TRAPPC9: variants seen among roughly 807,000 people sequenced by gnomAD.
The protein encoded by TRAPPC9 is trafficking protein particle complex subunit 9.
Under a neutral mutation model 124.0 loss-of-function variants are expected in TRAPPC9, and 83 were observed. That is an observed-to-expected ratio of 0.67 (90% CI 0.56 to 0.80). TRAPPC9 has a LOEUF of 0.80. Ranked by LOEUF, TRAPPC9 falls within the 30% of genes least tolerant of loss-of-function variation. The pLI, the probability that TRAPPC9 is intolerant of heterozygous loss-of-function variation, is 0.00. For missense variants in TRAPPC9, 1,302 were observed against 1,508.3 expected (o/e 0.86, Z 2.27); for synonymous variants, 638 against 617.5 (o/e 1.03, Z -0.49).
chr8:140,341,132 A>T (rs980724596), intron 9 of TRAPPC9, among the ~76,000 whole-genome samples: 1 of 152,174 alleles, frequency 6.6e-6, no homozygotes, highest in African/African-American at 2.4e-5. Context: ...TAAAAACACA[A>T]AAAGACTACA....
At chr8:140,425,884 C>A (rs1442639886) in intron 5 of TRAPPC9, among the ~76,000 whole-genome samples, 1 of 152,178 alleles carries the variant, frequency 6.6e-6, no homozygotes, top group Non-Finnish European at 1.5e-5. Flanking sequence ...AACTTAGCCA[C>A]GGCCTAGAGA....
intron 21 of TRAPPC9, among the ~76,000 whole-genome samples, chr8:139,761,557 C>A (rs1367816055): frequency 1.3e-5 from 2 of 152,152 alleles, no homozygotes; most frequent in South Asian, 2.1e-4. Flanking sequence ...CTGCCTGGTA[C>A]TATGACCCCG....
intron 18 of TRAPPC9, among the ~76,000 whole-genome samples, chr8:140,014,148 C>T (rs901046925): frequency 3.3e-5 from 5 of 152,116 alleles, no homozygotes; most frequent in African/African-American, 1.2e-4. Context: ...TCAATAATGT[C>T]GTAACGATTA....
intron 17 of TRAPPC9, among the ~76,000 whole-genome samples, chr8:140,185,068 C>G (rs2062321502): frequency 6.6e-6 from 1 of 152,204 alleles, no homozygotes; most frequent in African/African-American, 2.4e-5. Context: ...AGGCTAATAC[C>G]TATAATCCCA....
chr8:140,226,745 G>A (rs1438967849), intron 16 of TRAPPC9, among the ~76,000 whole-genome samples: 2 of 151,110 alleles, frequency 1.3e-5, no homozygotes, highest in Admixed American at 6.6e-5. Flanking sequence ...TCTAAAACAG[G>A]AACCAACTAA....
At chr8:139,773,913 A>C (rs1821161262) in intron 21 of TRAPPC9, among the ~76,000 whole-genome samples, 1 of 152,262 alleles carries the variant, frequency 6.6e-6, no homozygotes, top group Admixed American at 6.5e-5. Context: ...ACGCATGTTC[A>C]GTGGAGAAGT....
intron 16 of TRAPPC9, among the ~76,000 whole-genome samples, chr8:140,244,690 C>T (rs2131453664): frequency 6.6e-6 from 1 of 151,732 alleles, no homozygotes; most frequent in South Asian, 2.1e-4. Flanking sequence ...GCTCGATCTT[C>T]TGGATAATTC....
intron 17 of TRAPPC9, among the ~76,000 whole-genome samples, chr8:140,037,175 G>A (rs1421129240): frequency 1.3e-5 from 2 of 151,682 alleles, no homozygotes; most frequent in African/African-American, 2.4e-5. Flanking sequence ...AGGCTGCCCG[G>A]GCTCAGACCC....
intron 17 of TRAPPC9, among the ~76,000 whole-genome samples, chr8:140,049,540 A>G (rs1587592322): frequency 1.3e-5 from 2 of 150,286 alleles, no homozygotes; most frequent in East Asian, 3.9e-4. Flanking sequence ...TAAATCCTAC[A>G]GGGCTCCCCC....
At chr8:139,920,957 T>A (rs1832464607) in intron 19 of TRAPPC9, among the ~76,000 whole-genome samples, 1 of 152,240 alleles carries the variant, frequency 6.6e-6, no homozygotes, top group Non-Finnish European at 1.5e-5. Flanking sequence ...TCTGCTTCCA[T>A]CACCTCTGCC....
chr8:140,184,560 C>T (rs1032546192), intron 17 of TRAPPC9, among the ~76,000 whole-genome samples: 1 of 152,232 alleles, frequency 6.6e-6, no homozygotes, highest in South Asian at 2.1e-4. Context: ...CTCAGCCTCC[C>T]GAACAGCTGG....
At chr8:139,747,875 T>G (rs375681840) in intron 21 of TRAPPC9, among the ~76,000 whole-genome samples, 477 of 28,482 alleles carry the variant, frequency 0.017, 6 homozygotes, top group Middle Eastern at 0.05. Flanking sequence ...GATGCAGGGG[T>G]TACACACAGC....
At chr8:139,748,979 C>G (rs552594289) in intron 21 of TRAPPC9, among the ~76,000 whole-genome samples, 2 of 152,122 alleles carry the variant, frequency 1.3e-5, no homozygotes, top group African/African-American at 2.4e-5. Context: ...AGCAGGGAGA[C>G]AGCAGGAGGA....
chr8:140,057,605 C>CTTA (rs1434977411), intron 17 of TRAPPC9, among the ~76,000 whole-genome samples: 1 of 152,140 alleles, frequency 6.6e-6, no homozygotes, highest in Non-Finnish European at 1.5e-5. Context: ...AAACACTGCA[C>CTTA]GATTCTGCTT....
At chr8:140,326,267 G>A (rs2066735445) in intron 9 of TRAPPC9, among the ~76,000 whole-genome samples, 1 of 151,838 alleles carries the variant, frequency 6.6e-6, no homozygotes, top group Non-Finnish European at 1.5e-5. Context: ...TTACTGCAGG[G>A]AAGGCACCTA....
At chr8:140,274,352 A>C (rs760466807) in intron 15 of TRAPPC9, among the ~76,000 whole-genome samples, 23 of 152,234 alleles carry the variant, frequency 1.5e-4, no homozygotes, top group Non-Finnish European at 1.6e-4. Context: ...CTCCTGAGCA[A>C]GAACACAAGG....
At position 140,182,552 on chromosome 8, in the gene TRAPPC9, A is replaced by G. The variant is rs2062228018; in HGVS notation, c.2556+38907T>C. Among the ~76,000 whole-genome samples the G allele has an allele frequency of 2.0e-5, 3 of 152,212 alleles. 1 individual carries two copies. Among genetic ancestry groups the G allele is most frequent in the Admixed American group, 1.3e-4 (2 of 15,282 alleles). On this transcript the variant is annotated intron_variant, in intron 17 of 22. Transcript: ENST00000438773. This position sits in a 1 kb window ranked among gnomAD's most constrained non-coding sequence, Gnocchi z 4.0. ...AGGCAATTTAGTGCACGCTGATCTA[A>G]GCTCACTGATCGAAGCACACTGCAA...
chr8:140,099,489 T>C (rs927248343), intron 17 of TRAPPC9: 2 of 145,994 alleles, frequency 1.4e-5, no homozygotes, highest in African/African-American at 5.2e-5. Context: ...CACAGCTAGG[T>C]CTCAGCTGCT....
intron 5 of TRAPPC9, among the ~76,000 whole-genome samples, chr8:140,417,681 T>C (rs1239683323): frequency 3.3e-5 from 5 of 152,172 alleles, no homozygotes; most frequent in African/African-American, 1.2e-4. Flanking sequence ...GAACCAGAAA[T>C]ATCATTTGAC....
Sources: allele counts gnomAD v4.1 joint callset (sites outside exome capture counted in the v4.1 genomes callset), GRCh38; gene constraint gnomAD v4.1.1; non-coding constraint Gnocchi (gnomAD v3.1); transcripts MANE v1.5; gene names NCBI Gene and HGNC (gene_info 2026-07-23, HGNC 2026-07-21).